Variants in ARL13B observed in about 807,000 individuals in gnomAD.
ARL13B encodes the protein ADP-ribosylation factor-like protein 13B.
Under a neutral mutation model 56.1 loss-of-function variants are expected in ARL13B, and 36 were observed. The observed-to-expected ratio is 0.64, with a 90% CI of 0.49 to 0.85. The LOEUF (loss-of-function observed/expected upper bound fraction) is 0.85. Ranked by LOEUF, ARL13B falls within the 40% of genes least tolerant of loss-of-function variation. The pLI is 0.00. For missense variants in ARL13B, 519 were observed against 507.1 expected (o/e 1.02, Z -0.23); for synonymous variants, 178 against 171.1 (o/e 1.04, Z -0.32).
In ARL13B at chr3:94,055,243, T is replaced by G; in HGVS notation, c.*1980T>G. The stretch of plus-strand genomic sequence containing the variant: ...TATACTTTTATTCTTAATTCTGAAT[T>G]TTGACATTTTCACACAATAAAAATA... On this transcript the variant is annotated 3_prime_UTR_variant, in exon 10 of 10. Coordinates refer to ENST00000394222, the MANE Select transcript of ARL13B (RefSeq NM_001174150.2). The G allele has an allele frequency of 2.4e-6, 1 of 414,364 alleles. No homozygotes were observed. 25.7% of individuals were successfully genotyped at this position (414,364 alleles called of 1,614,324 possible).
chr3:94,042,768 A>G (rs763432964), intron 6 of ARL13B, among the ~76,000 whole-genome samples: 1 of 152,192 alleles, frequency 6.6e-6, no homozygotes, highest in African/African-American at 2.4e-5. Context: ...ATACAGATGA[A>G]TAGTAGTCAT....
chr3:93,984,110 C>T (rs1710342447), intron 1 of ARL13B, among the ~76,000 whole-genome samples: 1 of 152,214 alleles, frequency 6.6e-6, no homozygotes, highest in Admixed American at 6.5e-5. Flanking sequence ...AGTCCCAGCA[C>T]TTTGGGAGGC....
chr3:93,984,862 TAGCC>T (rs1269372604), intron 1 of ARL13B, among the ~76,000 whole-genome samples: 1 of 151,986 alleles, frequency 6.6e-6, no homozygotes, highest in African/African-American at 2.4e-5. Context: ...TTTAAAAAAT[TAGCC>T]AGAAGTAGTG....
At chr3:94,044,712 G>T (rs1420510951) in intron 7 of ARL13B, among the ~76,000 whole-genome samples, 2 of 144,646 alleles carry the variant, frequency 1.4e-5, no homozygotes, top group Admixed American at 6.9e-5. Flanking sequence ...AGTGAGGAGC[G>T]CCTCTGCCCG....
rs765478466 is a variant in ARL13B, at chr3:94,043,277, T to C, written c.1024+37T>C. The stretch of plus-strand genomic sequence containing the variant: ...AGTTATTTAAAGTAATTATCTTATG[T>C]ATATATAAATAAAACTTATACTTCA... On this transcript the variant is annotated intron_variant, in intron 7 of 9. Transcript: ENST00000394222. The C allele has an allele frequency of 9.2e-6, 14 of 1,516,120 alleles. No homozygotes were observed. In the South Asian group the frequency reaches 1.6e-4, roughly 17 times the overall value. 93.9% of individuals were successfully genotyped at this position (1,516,120 alleles called of 1,614,324 possible). A position where few individuals can be genotyped will look rare whatever the true frequency, so the allele number is the denominator to read the frequency against.
At chr3:94,041,822 C>A (rs1260284407) in intron 6 of ARL13B, among the ~76,000 whole-genome samples, 1 of 152,138 alleles carries the variant, frequency 6.6e-6, no homozygotes, top group Non-Finnish European at 1.5e-5. Flanking sequence ...CGCCTGTAAT[C>A]CCAGCACTTT....
intron 7 of ARL13B, 67 bp from the exon 8 acceptor site, chr3:94,049,339 T>C: frequency 2.1e-6 from 2 of 930,580 alleles, no homozygotes; most frequent in South Asian, 1.5e-5. Context: ...TGTTGTATTC[T>C]TTGTTTTCTA....
intron 6 of ARL13B, 111 bp from the exon 7 acceptor site, chr3:94,042,902 TCA>T: frequency 1.2e-6 from 1 of 800,552 alleles, no homozygotes; most frequent in Non-Finnish European, 2.0e-6. Flanking sequence ...AATAGAAGTC[TCA>T]CAGTGTCCTT....
At chr3:94,033,680 T>G (rs1234704054) in intron 3 of ARL13B, among the ~76,000 whole-genome samples, 1 of 152,182 alleles carries the variant, frequency 6.6e-6, no homozygotes, top group Non-Finnish European at 1.5e-5. Flanking sequence ...GGAACTTTAT[T>G]TTGGATGGAT....
At chr3:94,042,854 A>G (rs1482172231) in intron 6 of ARL13B, among the ~76,000 whole-genome samples, 161 bp from the exon 7 acceptor site, 1 of 152,182 alleles carries the variant, frequency 6.6e-6, no homozygotes, top group African/African-American at 2.4e-5. Context: ...TTTGACATTT[A>G]GCATCTTTTA....
Position 94,043,287 on chromosome 3 carries a change from T to C in ARL13B, c.1024+47T>C. On this transcript the variant is annotated intron_variant, in intron 7 of 9. Transcript: ENST00000394222. ...AGTAATTATCTTATGTATATATAAATAAAACTTATACTTCATCTCATTTTT... is the reference window on the plus strand; with the variant it reads ...AGTAATTATCTTATGTATATATAAACAAAACTTATACTTCATCTCATTTTT... 2.0e-6 allele frequency: 3 copies of C among 1,467,504 alleles called. No homozygotes were observed. In the Middle Eastern group the frequency reaches 6.7e-4, roughly 329 times the overall value. The allele number at this position is 1,467,504 out of a possible 1,614,324, so 90.9% of individuals were successfully genotyped here.
At chr3:94,007,487 A>G (rs998366270) in intron 3 of ARL13B, among the ~76,000 whole-genome samples, 1 of 152,222 alleles carries the variant, frequency 6.6e-6, no homozygotes, top group Non-Finnish European at 1.5e-5. Flanking sequence ...AATTGGACTT[A>G]CAGTTCCACA....
Position 94,014,724 on chromosome 3 carries a change from T to A in ARL13B, c.380+10816T>A. 1.9e-6 allele frequency: 3 copies of A among 1,613,020 alleles called. 1 individual carries two copies. In the South Asian group the frequency reaches 3.3e-5, roughly 18 times the overall value. On this transcript the variant is annotated intron_variant, in intron 3 of 9. Transcript: ENST00000394222. ...ATTTTCCTTGATGAAGCATATCATTTACATCTTCTTCAGACATCTCTTTTC... is the reference window on the plus strand; with the variant it reads ...ATTTTCCTTGATGAAGCATATCATTAACATCTTCTTCAGACATCTCTTTTC...
At chr3:94,011,016 GT>G (rs1407469078) in intron 3 of ARL13B, among the ~76,000 whole-genome samples, 1 of 151,802 alleles carries the variant, frequency 6.6e-6, no homozygotes, top group Non-Finnish European at 1.5e-5. Context: ...TTTTAATAAT[GT>G]TTCTTAAATA....
intron 9 of ARL13B, 141 bp from the exon 10 acceptor site, chr3:94,053,046 T>C (rs765968274): frequency 2.8e-6 from 2 of 724,184 alleles, no homozygotes; most frequent in Non-Finnish European, 4.8e-6. Context: ...AGGAAATCTT[T>C]TAGAGAGGCA....
intron 2 of ARL13B, among the ~76,000 whole-genome samples, chr3:94,000,365 C>T (rs2076034047): frequency 6.6e-6 from 1 of 151,910 alleles, no homozygotes; most frequent in Non-Finnish European, 1.5e-5. Context: ...GGATTATGGT[C>T]TGTTGTAAGC....
chr3:94,005,405 C>A (rs1391824643), intron 3 of ARL13B, among the ~76,000 whole-genome samples: 1 of 152,152 alleles, frequency 6.6e-6, no homozygotes, highest in African/African-American at 2.4e-5. Context: ...GAGAAACTGA[C>A]ATTTGAAATG....
At chr3:94,034,913 A>G (rs1042114635) in intron 3 of ARL13B, among the ~76,000 whole-genome samples, 1 of 152,190 alleles carries the variant, frequency 6.6e-6, no homozygotes, top group African/African-American at 2.4e-5. Context: ...TGTGTTCTGT[A>G]ATCAGTACAT....
chr3:94,032,761 G>A (rs922848943), intron 3 of ARL13B, among the ~76,000 whole-genome samples: 10 of 152,202 alleles, frequency 6.6e-5, no homozygotes, highest in Admixed American at 2.0e-4. Flanking sequence ...CTCCCAAAGT[G>A]CTGGGATTAC....
Sources: allele counts gnomAD v4.1 joint callset (sites outside exome capture counted in the v4.1 genomes callset), GRCh38; gene constraint gnomAD v4.1.1; transcripts MANE v1.5; gene names NCBI Gene and HGNC (gene_info 2026-07-23, HGNC 2026-07-21).